RBM47: variants seen among roughly 807,000 people sequenced by gnomAD.
The protein encoded by RBM47 is RNA-binding protein 47.
A neutral mutation model predicts 47.1 loss-of-function variants in RBM47; 21 were observed. That is an observed-to-expected ratio of 0.45 (90% CI 0.32 to 0.64). The LOEUF is 0.64. RBM47 is among the 30% of genes least tolerant of loss of function. RBM47 has a pLI of 0.05. For missense variants in RBM47, 708 were observed against 870.9 expected, an observed-to-expected ratio of 0.81 and a Z score of 2.35; for synonymous variants, 375 against 361.7, an observed-to-expected ratio of 1.04 and a Z score of -0.42.
intron 1 of RBM47, among the ~76,000 whole-genome samples, chr4:40,557,360 C>T (rs1194102427): frequency 6.6e-6 from 1 of 152,198 alleles, no homozygotes; most frequent in Non-Finnish European, 1.5e-5. Flanking sequence ...TCCTACTAGA[C>T]TGTAATTTCC....
rs1256296949 is a variant in RBM47, at chr4:40,437,090, A to AAAT, written c.1124-444_1124-443insATT. Among the ~76,000 whole-genome samples the AAAT allele has an allele frequency of 2.5e-3, 126 of 49,778 alleles. 9 individuals are homozygous for AAAT. Among genetic ancestry groups the AAAT allele is most frequent in the African/African-American group, 0.013 (116 of 9,144 alleles). 32.7% of individuals were successfully genotyped at this position (49,778 alleles called of 152,430 possible). A position where few individuals can be genotyped will look rare whatever the true frequency, so the allele number is the denominator to read the frequency against. ...CCCTGTCTCAAAAAAAAAAAAAAAA[A>AAAT]ATATATATATATATATATATAAAAT... On this transcript the variant is annotated intron_variant, in intron 4 of 6. Transcript: ENST00000295971.
At chr4:40,567,872 G>A (rs1337292202) in intron 1 of RBM47, among the ~76,000 whole-genome samples, 2 of 151,904 alleles carry the variant, frequency 1.3e-5, no homozygotes, top group Non-Finnish European at 2.9e-5. Flanking sequence ...TATTCCTGTA[G>A]AGAGATCTAA....
intron 2 of RBM47, among the ~76,000 whole-genome samples, chr4:40,486,089 A>G (rs1577761847): frequency 7.2e-6 from 1 of 138,516 alleles, no homozygotes; most frequent in African/African-American, 2.7e-5. Context: ...AAAAAAAAAA[A>G]AAAAAAAAGA....
intron 2 of RBM47, among the ~76,000 whole-genome samples, chr4:40,532,290 G>C (rs1343079428): frequency 4.9e-5 from 7 of 143,606 alleles, no homozygotes; most frequent in African/African-American, 1.8e-4. Flanking sequence ...GATTACAGAC[G>C]TGAGTCACCA....
intron 2 of RBM47, among the ~76,000 whole-genome samples, chr4:40,510,770 T>G (rs1291696210): frequency 6.6e-6 from 1 of 152,142 alleles, no homozygotes; most frequent in African/African-American, 2.4e-5. Flanking sequence ...GAAAGATGTC[T>G]AAACTAAGAG....
chr4:40,423,693 TTTC>T lies in RBM47; in HGVS notation c.*2208_*2210del, dbSNP rs1208512268. 1.5e-3 allele frequency: 146 copies of T among 98,708 alleles called. 2 individuals carry two copies. The highest frequency in any genetic ancestry group is 7.3e-3 in the African/African-American group (127 of 17,460). 6.1% of individuals were successfully genotyped at this position (98,708 alleles called of 1,614,324 possible). On this transcript the variant is annotated 3_prime_UTR_variant, in exon 7 of 7. Transcript: ENST00000295971. ...CTTTCTTTCTTTCTTTCTTTCTTTCTTTCTTTCTTTCTTTCTTTCTTTTCTTTC... is the reference window on the plus strand; with the variant it reads ...CTTTCTTTCTTTCTTTCTTTCTTTCTTTTCTTTCTTTCTTTCTTTTCTTTC...
intron 1 of RBM47, among the ~76,000 whole-genome samples, chr4:40,563,982 G>A (rs1368130614): frequency 2.6e-5 from 4 of 152,206 alleles, no homozygotes; most frequent in East Asian, 1.9e-4. Flanking sequence ...GGAGGCCAAG[G>A]CAGAATTGCT....
chr4:40,605,271 C>T (rs1188929688), intron 1 of RBM47, among the ~76,000 whole-genome samples: 2 of 151,906 alleles, frequency 1.3e-5, no homozygotes, highest in South Asian at 2.1e-4. Context: ...GTGATCTGCC[C>T]GCCTTGGCCT....
In RBM47 at chr4:40,454,950, AT is replaced by A. The variant is rs755538508; in HGVS notation, c.-32+11626del. ...TTACTTACTTACAGCAGGTTTAGCA[AT>A]AGCCAGTGTTAACAGGATAAGACCA... On this transcript the variant is annotated intron_variant, in intron 3 of 6. Coordinates refer to ENST00000295971, the MANE Select transcript of RBM47 (RefSeq NM_001098634.2). Among the ~76,000 whole-genome samples the A allele has an allele frequency of 2.1e-3, 316 of 152,324 alleles. 1 individual carries two copies. The highest frequency in any genetic ancestry group is 3.5e-3 in the Non-Finnish European group (238 of 68,012).
intron 1 of RBM47, among the ~76,000 whole-genome samples, chr4:40,610,838 G>T (rs1736200719): frequency 6.6e-6 from 1 of 151,918 alleles, no homozygotes; most frequent in African/African-American, 2.4e-5. Flanking sequence ...GTTTATGAGG[G>T]GTTTCTGCTT....
At chr4:40,464,891 A>C (rs1466108518) in intron 3 of RBM47, among the ~76,000 whole-genome samples, 1 of 41,912 alleles carries the variant, frequency 2.4e-5, no homozygotes, top group African/African-American at 6.6e-5. Context: ...ACTCTGTCTC[A>C]AAAAAAAAAA....
intron 2 of RBM47, among the ~76,000 whole-genome samples, chr4:40,534,666 G>T (rs573113893): frequency 6.6e-6 from 1 of 152,248 alleles, no homozygotes; most frequent in Non-Finnish European, 1.5e-5. Flanking sequence ...CGGGTGCGGT[G>T]GCTCACGCCT....
chr4:40,532,646 T>C (rs908091252), intron 2 of RBM47, among the ~76,000 whole-genome samples: 2 of 141,754 alleles, frequency 1.4e-5, no homozygotes, highest in African/African-American at 5.8e-5. Context: ...TCCTTTTTTT[T>C]TTCTTTTTAA....
Position 40,554,038 on chromosome 4 carries a change from C to T in RBM47, c.-239-9532G>A, listed in dbSNP as rs114452083. Among the ~76,000 whole-genome samples the T allele has an allele frequency of 9.6e-3, 1,454 of 152,210 alleles. 33 individuals are homozygous for T. The highest frequency in any genetic ancestry group is 0.033 in the African/African-American group (1,387 of 41,522). On this transcript the variant is annotated intron_variant, in intron 1 of 6. Transcript: ENST00000295971. ...CATAGAAATGGTGAACATCAGGAGA[C>T]GCGGGACCACTTAAAGGATGCACAG...
intron 3 of RBM47, among the ~76,000 whole-genome samples, chr4:40,452,014 A>G (rs1715517347): frequency 1.3e-5 from 2 of 152,202 alleles, no homozygotes; most frequent in Non-Finnish European, 2.9e-5. Context: ...TACTAAAAAT[A>G]CAAAAATTAG....
intron 1 of RBM47, among the ~76,000 whole-genome samples, chr4:40,612,749 T>C (rs185436044): frequency 1.6e-4 from 24 of 152,242 alleles, no homozygotes; most frequent in Admixed American, 1.3e-3. Flanking sequence ...TATCTTATAT[T>C]CAGCAAAAAT....
chr4:40,572,087 G>GA (rs34395607), intron 1 of RBM47, among the ~76,000 whole-genome samples: 17,057 of 125,838 alleles, frequency 0.14, 1,922 homozygotes, highest in African/African-American at 0.3. Flanking sequence ...AAAACTACTG[G>GA]AAAAAAAAAA....
Position 40,490,205 on chromosome 4 carries a change from T to A in RBM47, c.-154-23506A>T, listed in dbSNP as rs532300552. 6.6e-5 allele frequency among the ~76,000 whole-genome samples: 10 copies of A among 151,982 alleles called. No individual in the cohort carries two copies. In the South Asian group the frequency reaches 1.2e-3, roughly 19 times the overall value. ...TGAAAAAGACTGAATGCTCTCCCCA[T>A]GAAGAACAGCAACAAGGATTTGCAC... On this transcript the variant is annotated intron_variant, in intron 2 of 6. Transcript: ENST00000295971.
At chr4:40,479,570 G>T (rs1351472231) in intron 2 of RBM47, among the ~76,000 whole-genome samples, 1 of 151,998 alleles carries the variant, frequency 6.6e-6, no homozygotes, top group Non-Finnish European at 1.5e-5. Context: ...TTCCAGACTG[G>T]ATGACAGAGT....
Sources: gnomAD v4.1 joint callset for allele counts (sites outside exome capture counted in the v4.1 genomes callset) on GRCh38, gnomAD v4.1.1 for gene constraint, MANE v1.5 for transcripts, NCBI Gene and HGNC (gene_info 2026-07-23, HGNC 2026-07-21) for gene names.